EIF4E3: variants seen among roughly 807,000 people sequenced by gnomAD.
EIF4E3 encodes the protein eukaryotic translation initiation factor 4E type 3.
In EIF4E3, 26 loss-of-function variants were observed where a neutral mutation model predicts 31.7. The observed-to-expected ratio is 0.82, with a 90% CI of 0.60 to 1.14. The LOEUF (loss-of-function observed/expected upper bound fraction) is 1.14. Ranked by LOEUF, EIF4E3 falls within the 50% of genes most tolerant of loss-of-function variation. EIF4E3 has a pLI of 0.00. For synonymous variants in EIF4E3, 128 were observed against 107.7 expected (o/e 1.19, Z -1.17); for missense variants, 304 against 270.9 (o/e 1.12, Z -0.86).
chr3:71,704,430 G>C (rs80212889), intron 2 of EIF4E3, among the ~76,000 whole-genome samples: 1 of 152,208 alleles, frequency 6.6e-6, no homozygotes, highest in Admixed American at 6.5e-5. Context: ...GCAACATGGC[G>C]GTCAGGTCTG....
Position 71,675,418 on chromosome 3 carries a change from G to C in EIF4E3, c.*9264C>G, listed in dbSNP as rs1400270552. On this transcript the variant is annotated 3_prime_UTR_variant, in exon 7 of 7. Transcript: ENST00000425534. Reference sequence around the variant, plus strand: ...AAGTGAGACAGAAAAGCAAGCTTCAGATATAAATTTTTTAATTCCCAGTTA... The same window carrying C: ...AAGTGAGACAGAAAAGCAAGCTTCACATATAAATTTTTTAATTCCCAGTTA... 2.0e-5 allele frequency: 3 copies of C among 152,224 alleles called. No individual in the cohort carries two copies. The East Asian group carries it at 5.8e-4, about 29-fold the overall frequency. 9.4% of individuals were successfully genotyped at this position (152,224 alleles called of 1,614,324 possible).
At chr3:71,662,994 C>A in the EIF4E3 span, among the ~76,000 whole-genome samples, 1 of 152,152 alleles carries the variant, frequency 6.6e-6, no homozygotes, top group Admixed American at 6.5e-5. Flanking sequence ...CTTCAGCTTA[C>A]CTCCAGTGTT....
the EIF4E3 span, among the ~76,000 whole-genome samples, chr3:71,661,898 T>C: frequency 1.3e-5 from 2 of 152,146 alleles, no homozygotes; most frequent in African/African-American, 4.8e-5. Flanking sequence ...AGGAGGAGCC[T>C]GGGGTCAAAG....
chr3:71,746,477 T>C (rs1213671322), intron 1 of EIF4E3, among the ~76,000 whole-genome samples: 1 of 152,192 alleles, frequency 6.6e-6, no homozygotes, highest in Non-Finnish European at 1.5e-5. Context: ...CTTATGCACA[T>C]GATCATATGG....
At chr3:71,734,835 A>G (rs2049744737) in intron 1 of EIF4E3, among the ~76,000 whole-genome samples, 1 of 152,226 alleles carries the variant, frequency 6.6e-6, no homozygotes, top group Non-Finnish European at 1.5e-5. Flanking sequence ...GACCTGCACA[A>G]GTATCTTCAT....
intron 1 of EIF4E3, among the ~76,000 whole-genome samples, chr3:71,734,381 G>C (rs2049739937): frequency 6.6e-6 from 1 of 152,116 alleles, no homozygotes; most frequent in Non-Finnish European, 1.5e-5. Flanking sequence ...AGGTCACTCA[G>C]AAATACACTG....
intron 1 of EIF4E3, among the ~76,000 whole-genome samples, chr3:71,744,642 G>C (rs2108156413): frequency 6.6e-6 from 1 of 152,292 alleles, no homozygotes; most frequent in East Asian, 1.9e-4. Context: ...CTACTCAGGT[G>C]GCTGAGGCAG....
chr3:71,691,492 C>T (rs529063631), intron 5 of EIF4E3, among the ~76,000 whole-genome samples: 4 of 152,006 alleles, frequency 2.6e-5, no homozygotes, highest in Non-Finnish European at 5.9e-5. Flanking sequence ...AGTCCACTTA[C>T]GTAAATACTC....
chr3:71,737,031 C>T (rs2049770893), intron 1 of EIF4E3, among the ~76,000 whole-genome samples: 1 of 152,312 alleles, frequency 6.6e-6, no homozygotes, highest in Middle Eastern at 3.4e-3. Context: ...TTTGTGAATC[C>T]TTAACTATTC....
chr3:71,738,978 G>GTATATA (rs56982495), intron 1 of EIF4E3, among the ~76,000 whole-genome samples: 2,052 of 95,688 alleles, frequency 0.021, 106 homozygotes, highest in African/African-American at 0.059. Flanking sequence ...AAATTGAACA[G>GTATATA]TATATATATA....
chr3:71,740,374 T>C (rs547641478), intron 1 of EIF4E3, among the ~76,000 whole-genome samples: 13 of 152,260 alleles, frequency 8.5e-5, no homozygotes, highest in African/African-American at 2.9e-4. Flanking sequence ...AAGGCAACAA[T>C]AGATTAAAAC....
At chr3:71,714,265 G>GGAAGGAAA (rs746033675) in intron 1 of EIF4E3, among the ~76,000 whole-genome samples, 1 of 114,284 alleles carries the variant, frequency 8.8e-6, no homozygotes, top group Non-Finnish European at 1.7e-5. Flanking sequence ...AAGGAAGGAA[G>GGAAGGAAA]GAAGGAAAGA....
chr3:71,735,600 C>A (rs2049754723), intron 1 of EIF4E3, among the ~76,000 whole-genome samples: 1 of 152,166 alleles, frequency 6.6e-6, no homozygotes, highest in African/African-American at 2.4e-5. Flanking sequence ...CAATACTGTG[C>A]TAAGCAGGTA....
intron 5 of EIF4E3, among the ~76,000 whole-genome samples, chr3:71,691,374 TC>T (rs1449946310): frequency 6.6e-6 from 1 of 152,234 alleles, no homozygotes; most frequent in Non-Finnish European, 1.5e-5. Context: ...GTAAAGTAAT[TC>T]CTTTCTTTTC....
At chr3:71,726,592 C>T (rs568340987), upstream of EIF4E3, among the ~76,000 whole-genome samples, 1 of 152,320 alleles carries the variant, frequency 6.6e-6, no homozygotes, top group Admixed American at 6.5e-5. Context: ...AGCATGTGTT[C>T]TGTTCATGCC....
Position 71,684,596 on chromosome 3 carries a change from G to C in EIF4E3, c.*86C>G, listed in dbSNP as rs1043919372. 25 of 1,543,328 alleles carry C rather than the reference G, an allele frequency of 1.6e-5. No individual in the cohort carries two copies. Among genetic ancestry groups the C allele is most frequent in the African/African-American group, 1.4e-4 (10 of 72,830 alleles). ...CTCTAAATTGACCAGCATCGGCTTC[G>C]GCAAGTCTTCTCTTCACTCTCCCTC... On this transcript the variant is annotated 3_prime_UTR_variant, in exon 7 of 7. Transcript: ENST00000425534.
chr3:71,664,936 A>C, the EIF4E3 span, among the ~76,000 whole-genome samples: 1 of 152,216 alleles, frequency 6.6e-6, no homozygotes, highest in African/African-American at 2.4e-5. Flanking sequence ...GAGCATGAAG[A>C]TGACACAAAA....
chr3:71,746,805 C>A (rs1352067153), intron 1 of EIF4E3, among the ~76,000 whole-genome samples: 1 of 152,196 alleles, frequency 6.6e-6, no homozygotes, highest in Non-Finnish European at 1.5e-5. Flanking sequence ...TCCCCCAGCT[C>A]CCAGCAACTA....
Position 71,710,395 on chromosome 3 carries a change from C to T in EIF4E3, c.249+17G>A, listed in dbSNP as rs140827677. ...CGTGTGCCGTGTTAATCCAGTTAGT[C>T]CCTCTCTTGATCTTACCTGTACTGT... On this transcript the variant is annotated intron_variant, in intron 2 of 6. Transcript: ENST00000425534. 1.6e-4 allele frequency: 248 copies of T among 1,551,516 alleles called. 2 individuals carry two copies. The East Asian group carries it at 6.0e-3, about 38-fold the overall frequency.
Sources: allele counts gnomAD v4.1 joint callset (sites outside exome capture counted in the v4.1 genomes callset), GRCh38; gene constraint gnomAD v4.1.1; transcripts MANE v1.5; gene names NCBI Gene and HGNC (gene_info 2026-07-23, HGNC 2026-07-21).